STRA6: variants seen among roughly 807,000 people sequenced by gnomAD.
STRA6 encodes signaling receptor and transporter of retinol STRA6.
A neutral mutation model predicts 83.6 loss-of-function variants in STRA6; 48 were observed. The ratio of observed to expected loss-of-function variants is 0.57; its 90% CI spans 0.46 to 0.73. The LOEUF is 0.73. STRA6 is among the 30% of genes least tolerant of loss of function. The pLI is 0.00. For missense variants in STRA6, 760 were observed against 838.8 expected, an observed-to-expected ratio of 0.91 and a Z score of 1.16; for synonymous variants, 353 against 362.3, an observed-to-expected ratio of 0.97 and a Z score of 0.29.
chr15:74,198,141 C>T (rs1331113405), intron 2 of STRA6, among the ~76,000 whole-genome samples: 1 of 151,706 alleles, frequency 6.6e-6, no homozygotes, highest in Non-Finnish European at 1.5e-5. Context: ...GGGTCTTGCT[C>T]TGTCACCCAG....
At position 74,202,270 on chromosome 15, in the gene STRA6, T is replaced by C; in HGVS notation, c.-3A>G. On this transcript the variant is annotated 5_prime_UTR_variant, in exon 2 of 19. Transcript: ENST00000395105. The stretch of plus-strand genomic sequence containing the variant: ...TTCCCTGCTGGCTGGGACGACATTC[T>C]CTGGCCCTTCTCCTTTGACCCCAGG... 2 of 1,548,458 alleles carry C rather than the reference T, an allele frequency of 1.3e-6. No homozygotes were observed. The highest frequency in any genetic ancestry group is 1.7e-6 in the Non-Finnish European group (2 of 1,153,748).
At chr15:74,197,195 T>C (rs2073857723) in intron 4 of STRA6, 143 bp downstream of exon 4, 1 of 636,330 alleles carries the variant, frequency 1.6e-6, no homozygotes, top group African/African-American at 1.8e-5. Flanking sequence ...TAGGTGGGGG[T>C]GAGGAAAGCT....
intron 13 of STRA6, among the ~76,000 whole-genome samples, chr15:74,184,221 C>T (rs990634247): frequency 6.6e-6 from 1 of 152,206 alleles, no homozygotes; most frequent in Non-Finnish European, 1.5e-5. Flanking sequence ...AGGCAGAAGG[C>T]TCAACCTGAG....
At chr15:74,202,576 C>T (rs1052398851) in intron 1 of STRA6, 137 bp downstream of exon 1, 15 of 1,471,470 alleles carry the variant, frequency 1.0e-5, no homozygotes, top group Non-Finnish European at 1.3e-5. Flanking sequence ...CCCGCTGGCG[C>T]ATCTGTCTGA....
chr15:74,179,864 C>G lies in STRA6; in HGVS notation c.*216G>C. 1 of 621,072 alleles carries G rather than the reference C, an allele frequency of 1.6e-6. No homozygotes were observed. Among genetic ancestry groups the G allele is most frequent in the East Asian group, 2.9e-5 (1 of 34,896 alleles). 38.5% of individuals were successfully genotyped at this position (621,072 alleles called of 1,614,324 possible). On this transcript the variant is annotated 3_prime_UTR_variant, in exon 19 of 19. Transcript: ENST00000395105. ...GGCCCTAACCCACCAGTTTCTTTCT[C>G]CAGAACCCCTGCTGGCTCTCCCATA...
chr15:74,204,267 A>G (rs984602664), upstream of STRA6, among the ~76,000 whole-genome samples: 2 of 152,164 alleles, frequency 1.3e-5, no homozygotes, highest in African/African-American at 2.4e-5. Context: ...GCGGGACTCT[A>G]TCCCTCCCAC....
intron 2 of STRA6, 101 bp downstream of exon 2, chr15:74,202,054 T>C: frequency 1.5e-6 from 2 of 1,308,804 alleles, no homozygotes; most frequent in Non-Finnish European, 2.0e-6. Context: ...GAGCCAGACC[T>C]AGCAGCCCCT....
rs1555457919 is a variant in STRA6 at position 74,202,231 on chromosome 15, C to CG, written c.36dup (p.Gly13ArgfsTer15). 1 of 1,535,716 alleles carries CG rather than the reference C, an allele frequency of 6.5e-7. No homozygotes were observed. Among genetic ancestry groups the CG allele is most frequent in the Non-Finnish European group, 8.7e-7 (1 of 1,147,494 alleles). On this transcript the variant is annotated frameshift_variant, in exon 2 of 19. Coordinates refer to ENST00000395105, the MANE Select transcript of STRA6 (RefSeq NM_022369.4). LOFTEE classifies it high-confidence loss of function. The stretch of plus-strand genomic sequence containing the variant: ...CCATAGGAGTAGTCCTCTGTGGCCC[C>CG]GGGGGAGGTCTGGTTCCCTGCTGGC...
chr15:74,185,835 G>C (rs2073221046), intron 12 of STRA6, among the ~76,000 whole-genome samples: 1 of 152,258 alleles, frequency 6.6e-6, no homozygotes, highest in African/African-American at 2.4e-5. Flanking sequence ...CGCCCAGACA[G>C]CCATGCTGCT....
rs776526777 is a variant in STRA6, at chr15:74,193,910, A to T, written c.610T>A (p.Tyr204Asn). 1 of 1,613,480 alleles carries T rather than the reference A, an allele frequency of 6.2e-7. No individual in the cohort carries two copies. Among genetic ancestry groups the T allele is most frequent in the South Asian group, 1.1e-5 (1 of 91,082 alleles). ...CPQVPKIYKYYSLLASLPLLL... is the reference protein window; with the variant it reads ...CPQVPKIYKYNSLLASLPLLL... ...AGAGGCAGGGAGGCCAGCAGGGAGT[A>T]GTACTTGTAGATCTGGACAGACAAA... Residue 204 changes from tyrosine (Y) to asparagine (N), a missense_variant, in exon 8 of 19, where the codon TAC becomes AAC. Coordinates refer to ENST00000395105, the MANE Select transcript of STRA6 (RefSeq NM_022369.4).
At chr15:74,180,756 C>A (rs1251129947) in intron 18 of STRA6, 26 bp downstream of exon 18, 1 of 1,595,450 alleles carries the variant, frequency 6.3e-7, no homozygotes, top group Non-Finnish European at 8.6e-7. Context: ...AGGCTCTATT[C>A]CCCCATTCCC....
At position 74,188,377 on chromosome 15, in the gene STRA6, G is replaced by C. The variant is rs2073362491; in HGVS notation, c.1090+738C>G. 6.6e-6 allele frequency among the ~76,000 whole-genome samples: 1 copy of C among 152,248 alleles called. No homozygotes were observed. Among genetic ancestry groups the C allele is most frequent in the African/African-American group, 2.4e-5 (1 of 41,476 alleles). The stretch of plus-strand genomic sequence containing the variant: ...GTCCCCAAGTAAGCAGAAGGCGCAT[G>C]CCTCCTGAGTCCTCAGCACCGGGCT... On this transcript the variant is annotated intron_variant, in intron 12 of 18. Transcript: ENST00000395105. This position sits in a 1 kb window ranked among gnomAD's most constrained non-coding sequence, Gnocchi z 4.5.
At chr15:74,207,484 G>T (rs930699862), upstream of STRA6, among the ~76,000 whole-genome samples, 1 of 152,092 alleles carries the variant, frequency 6.6e-6, no homozygotes, top group Non-Finnish European at 1.5e-5. Context: ...CCACAGATTG[G>T]AACAAGATGT....
intron 1 of STRA6, chr15:74,207,981 G>T: frequency 7.0e-7 from 1 of 1,421,236 alleles, no homozygotes; most frequent in Non-Finnish European, 9.2e-7. Context: ...CCATGTGGGA[G>T]GGTCAGAAGC....
At chr15:74,208,042 A>G in intron 1 of STRA6, 1 of 1,339,738 alleles carries the variant, frequency 7.5e-7, no homozygotes, top group African/African-American at 1.5e-5. Flanking sequence ...CACCAACAGC[A>G]TCATCATAAC....
intron 14 of STRA6, chr15:74,182,861 T>C (rs1317722348): frequency 3.8e-6 from 1 of 263,488 alleles, no homozygotes; most frequent in Non-Finnish European, 7.4e-6. Flanking sequence ...GCCCAAGGAC[T>C]GTCTATTGAA....
chr15:74,181,871 G>T (rs1047866644), intron 16 of STRA6, among the ~76,000 whole-genome samples: 1 of 152,152 alleles, frequency 6.6e-6, no homozygotes, highest in Non-Finnish European at 1.5e-5. Context: ...GTGGGGAGGG[G>T]CATGGTTTTA....
chr15:74,196,383 A>C (rs2073824529), intron 4 of STRA6: 1 of 607,206 alleles, frequency 1.6e-6, no homozygotes, highest in African/African-American at 1.9e-5. Context: ...AGAAGCCCTA[A>C]GACTGCTCCT....
intron 16 of STRA6, 52 bp from the exon 17 acceptor site, chr15:74,181,510 C>G: frequency 6.2e-7 from 1 of 1,600,314 alleles, no homozygotes; most frequent in Non-Finnish European, 8.5e-7. Context: ...GCTCCCTCCC[C>G]AGGGTCAGTG....
Sources: gnomAD v4.1 joint callset for allele counts (sites outside exome capture counted in the v4.1 genomes callset) on GRCh38, gnomAD v4.1.1 for gene constraint, Gnocchi (gnomAD v3.1) non-coding constraint, MANE v1.5 for transcripts, NCBI Gene and HGNC (gene_info 2026-07-23, HGNC 2026-07-21) for gene names.